CDYL: variants seen among roughly 807,000 people sequenced by gnomAD.
The protein encoded by CDYL is chromodomain Y-like protein.
In CDYL, 8 loss-of-function variants were observed where a neutral mutation model predicts 47.3. The ratio of observed to expected loss-of-function variants is 0.17; its 90% CI spans 0.10 to 0.31. The LOEUF (loss-of-function observed/expected upper bound fraction) is 0.31, where lower values mean the gene tolerates loss of function less well. Among genes scored for constraint, CDYL ranks in the 10% least tolerant of loss-of-function variants. The pLI is 1.00. For missense variants in CDYL, 471 were observed against 701.4 expected (o/e 0.67, Z 3.71); for synonymous variants, 266 against 265.0 (o/e 1.00, Z -0.04).
intron 1 of CDYL, among the ~76,000 whole-genome samples, chr6:4,877,443 TA>T (rs1414790955): frequency 6.6e-6 from 1 of 152,212 alleles, no homozygotes; most frequent in African/African-American, 2.4e-5. Flanking sequence ...TGGTTTGCTC[TA>T]AAAACGTCAT....
intron 1 of CDYL, among the ~76,000 whole-genome samples, chr6:4,854,364 C>T (rs1253056529): frequency 6.6e-6 from 1 of 152,180 alleles, no homozygotes; most frequent in Non-Finnish European, 1.5e-5. Context: ...CAGTTTCATA[C>T]TAGTCATGTA....
chr6:4,813,846 TCACTGCAGCCACA>T (rs1382097598), intron 1 of CDYL, among the ~76,000 whole-genome samples: 28 of 152,146 alleles, frequency 1.8e-4, no homozygotes, highest in Admixed American at 1.8e-3. Flanking sequence ...CGATTATGGC[TCACTGCAGCCACA>T]GCCTCCCAGG....
chr6:4,943,709 G>C lies in CDYL; in HGVS notation c.1285G>C (p.Asp429His). 6.2e-7 allele frequency: 1 copy of C among 1,612,068 alleles called. No homozygotes were observed. Among genetic ancestry groups the C allele is most frequent in the Non-Finnish European group, 8.5e-7 (1 of 1,179,596 alleles). The change falls in exon 5 of 7, where the codon GAT becomes CAT. Residue 429 changes from aspartate (D) to histidine (H), a missense_variant. Transcript: ENST00000397588. ...TPYTTFGQSP[D>H]GCSTVMFPKI... is the part of the protein sequence containing the mutation. The stretch of plus-strand genomic sequence containing the variant: ...CTATACCACCTTCGGACAGAGTCCA[G>C]ATGGCTGTTCTACCGTTATGTTTCC...
At chr6:4,783,128 T>TAGTTTCTTCACC (rs143422514) in intron 1 of CDYL, among the ~76,000 whole-genome samples, 9,407 of 152,110 alleles carry the variant, frequency 0.062, 326 homozygotes, top group Middle Eastern at 0.088. Context: ...TCTGACTTCA[T>TAGTTTCTTCACC]AGTTTCTTCA....
intron 1 of CDYL, among the ~76,000 whole-genome samples, chr6:4,889,264 G>A (rs913836895): frequency 5.3e-5 from 8 of 150,204 alleles, no homozygotes; most frequent in Admixed American, 2.7e-4. Context: ...TTGCACTGTC[G>A]CCCAGGCTGG....
chr6:4,920,851 A>G (rs1757691859), intron 2 of CDYL, among the ~76,000 whole-genome samples: 1 of 152,174 alleles, frequency 6.6e-6, no homozygotes, highest in African/African-American at 2.4e-5. Flanking sequence ...CCTGACCTCA[A>G]GTGATCCACC....
intron 4 of CDYL, among the ~76,000 whole-genome samples, chr6:4,941,350 G>T (rs540982398): frequency 6.6e-6 from 1 of 152,318 alleles, no homozygotes; most frequent in Admixed American, 6.5e-5. Context: ...AAGCCTTTAT[G>T]GTCCTGGGAA....
rs372880737 is a variant in CDYL at position 4,937,691 on chromosome 6, A to G, written c.1075A>G (p.Thr359Ala). The G allele has an allele frequency of 8.1e-6, 13 of 1,613,304 alleles. No homozygotes were observed. The highest frequency in any genetic ancestry group is 1.3e-5 in the African/African-American group (1 of 74,850). ...CTTTATTTATTTTATACGACGTCTG[A>G]CAGATGACAGGAAAAGAGAAAGCAC... ...LDFIYFIRRL[T>A]DDRKRESTKM... Residue 359 changes from threonine to alanine, a missense_variant, in exon 4 of 7, where the codon ACA (threonine) becomes GCA (alanine). This residue lies in a region of CDYL where 103 missense variants were observed against 277.1 expected (regional missense o/e 0.37). Coordinates refer to ENST00000397588, the MANE Select transcript of CDYL (RefSeq NM_004824.4).
intron 2 of CDYL, among the ~76,000 whole-genome samples, chr6:4,734,331 T>C (rs966840): frequency 0.29 from 44,417 of 152,060 alleles, 6,631 homozygotes; most frequent in African/African-American, 0.33. Context: ...CTGGGTCATC[T>C]CAGAGTCCCA....
chr6:4,735,228 G>A (rs1384415505), intron 3 of CDYL, among the ~76,000 whole-genome samples: 2 of 151,856 alleles, frequency 1.3e-5, no homozygotes, highest in Non-Finnish European at 2.9e-5. Flanking sequence ...GGAGGTTGCG[G>A]TGAGCTGAGA....
At chr6:4,944,298 C>T (rs959848680) in intron 5 of CDYL, among the ~76,000 whole-genome samples, 3 of 152,194 alleles carry the variant, frequency 2.0e-5, no homozygotes, top group African/African-American at 7.2e-5. Flanking sequence ...CAGAAGCAGA[C>T]ACTGAGATGA....
At chr6:4,895,599 CA>C (rs1248227018) in intron 2 of CDYL, among the ~76,000 whole-genome samples, 4 of 151,472 alleles carry the variant, frequency 2.6e-5, no homozygotes, top group Admixed American at 6.6e-5. Context: ...CCTTGATTTT[CA>C]AAACTTCGAG....
At chr6:4,842,124 T>G (rs1456763914) in intron 1 of CDYL, among the ~76,000 whole-genome samples, 2 of 144,126 alleles carry the variant, frequency 1.4e-5, no homozygotes, top group Non-Finnish European at 3.0e-5. Flanking sequence ...ATATATAAAC[T>G]TGTTAATATA....
At chr6:4,911,280 T>C (rs77123489) in intron 2 of CDYL, among the ~76,000 whole-genome samples, 5,142 of 152,292 alleles carry the variant, frequency 0.034, 98 homozygotes, top group Middle Eastern at 0.082. Flanking sequence ...TGCCGTGGCA[T>C]TGGTGACTGC....
rs148279388 is a variant in CDYL at position 4,891,811 on chromosome 6, G to A, written c.123G>A (p.Pro41=). 9.9e-5 allele frequency: 159 copies of A among 1,614,126 alleles called. 1 individual carries two copies. In the African/African-American group the frequency reaches 1.4e-3, roughly 15 times the overall value. ...GYDSEDDTWE[P]EQHLVNCEEY... is the part of the protein sequence containing the mutation. Reference sequence around the variant, plus strand: ...ACAGCGAGGACGACACTTGGGAGCCGGAACAGCACCTCGTGAACTGTGAGG... The same window carrying A: ...ACAGCGAGGACGACACTTGGGAGCCAGAACAGCACCTCGTGAACTGTGAGG... The change falls in exon 2 of 7, where the codon CCG becomes CCA. Residue 41 remains proline, a synonymous_variant. Coordinates refer to ENST00000397588, the MANE Select transcript of CDYL (RefSeq NM_004824.4).
chr6:4,917,397 G>A (rs1331562526), intron 2 of CDYL, among the ~76,000 whole-genome samples: 2 of 152,138 alleles, frequency 1.3e-5, no homozygotes, highest in Non-Finnish European at 2.9e-5. Flanking sequence ...TGGTGGTTCT[G>A]CCGCTAGCTT....
chr6:4,837,551 A>C (rs1385036186), intron 1 of CDYL, among the ~76,000 whole-genome samples: 6 of 131,982 alleles, frequency 4.5e-5, no homozygotes, highest in Non-Finnish European at 9.5e-5. Flanking sequence ...TGCAACCTCC[A>C]CCTCCCGGGT....
At position 4,891,885 on chromosome 6, in the gene CDYL, G is replaced by A; in HGVS notation, c.197G>A (p.Ser66Asn). 2 of 1,614,094 alleles carry A rather than the reference G, an allele frequency of 1.2e-6. No individual in the cohort carries two copies. The highest frequency in any genetic ancestry group is 1.7e-6 in the Non-Finnish European group (2 of 1,180,026). ...CGCCACACGGAGAAGCAGAAGGAGAGCACATTGACCAGAACAAACAGGACC... is the reference window on the plus strand; with the variant it reads ...CGCCACACGGAGAAGCAGAAGGAGAACACATTGACCAGAACAAACAGGACC... ...NRRHTEKQKE[S>N]TLTRTNRTSP... Residue 66 changes from serine (S) to asparagine (N), a missense_variant, in exon 2 of 7, where the codon AGC becomes AAC. By Grantham distance (46) the Ser-to-Asn change is conservative. Transcript: ENST00000397588.
chr6:4,748,924 TA>T (rs932100539), intron 3 of CDYL, among the ~76,000 whole-genome samples: 3 of 152,158 alleles, frequency 2.0e-5, no homozygotes, highest in Non-Finnish European at 2.9e-5. Context: ...CCTCCTATAA[TA>T]GAACAGTGAG....
Sources: gnomAD v4.1 joint callset for allele counts (sites outside exome capture counted in the v4.1 genomes callset) on GRCh38, gnomAD v4.1.1 for gene constraint, gnomAD v4.1.1 regional missense constraint, MANE v1.5 for transcripts, NCBI Gene and HGNC (gene_info 2026-07-23, HGNC 2026-07-21) for gene names.